The following PCDHGB2 variants were observed in gnomAD, a reference collection of about 807,000 sequenced individuals.
PCDHGB2 encodes protocadherin gamma-B2.
In PCDHGB2, 55 loss-of-function variants were observed where a neutral mutation model predicts 59.3. That is an observed-to-expected ratio of 0.93 (90% CI 0.75 to 1.16). PCDHGB2 has a LOEUF of 1.16. Among genes scored for constraint, PCDHGB2 ranks in the 50% most tolerant of loss-of-function variants. The probability of loss-of-function intolerance (pLI) is 0.00; values close to 1 mark genes in which losing one functional copy is unlikely to be tolerated. For synonymous variants in PCDHGB2, 516 were observed against 512.0 expected, an observed-to-expected ratio of 1.01 and a Z score of -0.11; for missense variants, 1,228 against 1,198.5, an observed-to-expected ratio of 1.02 and a Z score of -0.36.
chr5:141,389,191 T>A, intron 1 of PCDHGB2: 1 of 1,614,050 alleles, frequency 6.2e-7, no homozygotes, highest in Non-Finnish European at 8.5e-7. Context: ...AGTTCCAGCA[T>A]CACCCTGCAC....
chr5:141,403,929 G>A (rs1203236737), intron 1 of PCDHGB2: 5 of 1,613,854 alleles, frequency 3.1e-6, no homozygotes, highest in Non-Finnish European at 4.2e-6. Context: ...GATGGTGGGG[G>A]ATTGAAAGGG....
chr5:141,431,022 G>A lies in PCDHGB2; in HGVS notation c.2422-63785G>A. ...CGCAGCGGCAGCTTGGTCACGGCGG[G>A]CAGGATAGACCGGGAGGAGCTCTGT... On this transcript the variant is annotated intron_variant, in intron 1 of 3. Transcript: ENST00000522605. This position sits in a 1 kb window ranked among gnomAD's most constrained non-coding sequence, Gnocchi z 4.8. 1 of 1,614,078 alleles carries A rather than the reference G, an allele frequency of 6.2e-7. No individual in the cohort carries two copies. Among genetic ancestry groups the A allele is most frequent in the African/African-American group, 1.3e-5 (1 of 75,074 alleles).
At chr5:141,381,975 G>A (rs1408994703) in intron 1 of PCDHGB2, among the ~76,000 whole-genome samples, 4 of 151,294 alleles carry the variant, frequency 2.6e-5, no homozygotes, top group South Asian at 2.1e-4. Flanking sequence ...GATTACAGGC[G>A]CGCGCCACCA....
At chr5:141,365,172 T>C in intron 1 of PCDHGB2, 2 of 1,613,882 alleles carry the variant, frequency 1.2e-6, no homozygotes, top group Non-Finnish European at 1.7e-6. Context: ...ACCTACTCTT[T>C]TCGCAATGAA....
intron 1 of PCDHGB2, chr5:141,479,691 C>T (rs2099503603): frequency 6.6e-6 from 1 of 152,206 alleles, no homozygotes; most frequent in Non-Finnish European, 1.5e-5. Context: ...TTTGGTGCCT[C>T]CAGTGTTAGT....
At chr5:141,375,397 C>G (rs751405619) in intron 1 of PCDHGB2, 3 of 1,613,892 alleles carry the variant, frequency 1.9e-6, no homozygotes, top group East Asian at 4.5e-5. Flanking sequence ...AAACAATCAT[C>G]TCTCTAAATG....
At chr5:141,370,981 T>G in intron 1 of PCDHGB2, 1 of 1,613,994 alleles carries the variant, frequency 6.2e-7, no homozygotes, top group Non-Finnish European at 8.5e-7. Context: ...GAGCTAGTAC[T>G]GAAAGCACCC....
chr5:141,411,001 C>G lies in PCDHGB2; in HGVS notation c.2421+48445C>G, dbSNP rs2095456042. 1.8e-5 allele frequency: 3 copies of G among 168,822 alleles called. No individual in the cohort carries two copies. The South Asian group carries it at 4.7e-4, about 26-fold the overall frequency. The allele number at this position is 168,822 out of a possible 1,614,324, so 10.5% of individuals were successfully genotyped here. ...CCCAAGTAGCTGGGATTACTGGTGC[C>G]CCTCACCACAGCTAAATTTTTTGTA... On this transcript the variant is annotated intron_variant, in intron 1 of 3. Coordinates refer to ENST00000522605, the MANE Select transcript of PCDHGB2 (RefSeq NM_018923.3).
At position 141,361,802 on chromosome 5, in the gene PCDHGB2, A is replaced by G. The variant is rs368923177; in HGVS notation, c.1667A>G (p.Asn556Ser). 19 of 1,613,052 alleles carry G rather than the reference A, an allele frequency of 1.2e-5. No homozygotes were observed. The highest frequency in any genetic ancestry group is 9.3e-5 in the African/African-American group (7 of 74,930). ...VSLRVLVGDL[N>S]DNAPRVLYPA... The stretch of plus-strand genomic sequence containing the variant: ...CTGCGCGTGTTAGTGGGCGACCTCA[A>G]TGACAATGCGCCACGGGTGCTGTAC... The change falls in exon 1 of 4, where the codon AAT becomes AGT. Residue 556 changes from asparagine (N) to serine (S), a missense_variant. Coordinates refer to ENST00000522605, the MANE Select transcript of PCDHGB2 (RefSeq NM_018923.3).
chr5:141,398,344 C>T (rs901692894), intron 1 of PCDHGB2: 2 of 1,372,186 alleles, frequency 1.5e-6, no homozygotes, highest in Non-Finnish European at 2.0e-6. Context: ...TTCGGAGAAG[C>T]CTTACTTCAC....
chr5:141,388,868 A>G lies in PCDHGB2; in HGVS notation c.2421+26312A>G, dbSNP rs138074064. On this transcript the variant is annotated intron_variant, in intron 1 of 3. Transcript: ENST00000522605. The stretch of plus-strand genomic sequence containing the variant: ...GGGACGGTGGAGGAATGATTGCGCA[A>G]TGCACAGTGGAGGTAGAAGTCATAG... 208 of 1,613,992 alleles carry G rather than the reference A, an allele frequency of 1.3e-4. 2 individuals are homozygous for G. In the African/African-American group the frequency reaches 2.5e-3, roughly 19 times the overall value.
At chr5:141,370,384 C>T (rs777134390) in intron 1 of PCDHGB2, 6 of 1,534,384 alleles carry the variant, frequency 3.9e-6, no homozygotes, top group Non-Finnish European at 5.2e-6. Context: ...GGCAAAGGCG[C>T]AGAGAGCGGG....
intron 3 of PCDHGB2, among the ~76,000 whole-genome samples, chr5:141,507,891 C>A (rs1031803854): frequency 6.6e-6 from 1 of 152,208 alleles, no homozygotes; most frequent in African/African-American, 2.4e-5. Flanking sequence ...AGAGAGGTTC[C>A]TGAAGTCCAG....
chr5:141,435,027 AC>A (rs1485237615), intron 1 of PCDHGB2, among the ~76,000 whole-genome samples: 1 of 151,978 alleles, frequency 6.6e-6, no homozygotes, highest in Non-Finnish European at 1.5e-5. Flanking sequence ...CTCTTTTCCC[AC>A]TTTTATTTTT....
chr5:141,380,966 T>C (rs890558911), intron 1 of PCDHGB2, among the ~76,000 whole-genome samples: 1 of 152,240 alleles, frequency 6.6e-6, no homozygotes, highest in East Asian at 1.9e-4. Flanking sequence ...AAAAGTACTA[T>C]TAAACAAATA....
At chr5:141,389,119 A>G (rs1561623119) in intron 1 of PCDHGB2, 16 of 1,614,066 alleles carry the variant, frequency 9.9e-6, no homozygotes, top group Admixed American at 1.7e-5. Context: ...GACCGCGAGC[A>G]GAATCCAGAG....
At chr5:141,478,044 C>G in intron 1 of PCDHGB2, 1 of 1,614,184 alleles carries the variant, frequency 6.2e-7, no homozygotes. Flanking sequence ...CCCAGGCAGA[C>G]TCTCACGGTC....
chr5:141,439,960 T>G (rs1297261423), intron 1 of PCDHGB2: 1 of 152,668 alleles, frequency 6.6e-6, no homozygotes, highest in African/African-American at 2.4e-5. Flanking sequence ...AGATCCGTTA[T>G]TCAGTCCTAG....
intron 1 of PCDHGB2, chr5:141,423,301 C>T (rs1489674947): frequency 1.9e-6 from 3 of 1,614,150 alleles, no homozygotes; most frequent in East Asian, 4.5e-5. Flanking sequence ...AGACCTCTCG[C>T]TGTACTTGGT....
Sources: gnomAD v4.1 joint callset for allele counts (sites outside exome capture counted in the v4.1 genomes callset) on GRCh38, gnomAD v4.1.1 for gene constraint, Gnocchi (gnomAD v3.1) non-coding constraint, MANE v1.5 for transcripts, NCBI Gene and HGNC (gene_info 2026-07-23, HGNC 2026-07-21) for gene names.